The following FAM107B variants were observed in gnomAD, a reference collection of about 807,000 sequenced individuals.
The protein encoded by FAM107B is family with sequence similarity 107 member B, also known as protein FAM107B.
Under a neutral mutation model 31.5 loss-of-function variants are expected in FAM107B, and 21 were observed. The observed-to-expected ratio is 0.67, with a 90% CI of 0.47 to 0.96. FAM107B has a LOEUF of 0.96. FAM107B is among the 40% of genes least tolerant of loss of function. FAM107B has a pLI of 0.00. For synonymous variants in FAM107B, 157 were observed against 141.5 expected (o/e 1.11, Z -0.78); for missense variants, 452 against 377.1 (o/e 1.20, Z -1.64).
intron 2 of FAM107B, among the ~76,000 whole-genome samples, chr10:14,575,805 G>T (rs1037096128): frequency 6.6e-6 from 1 of 152,012 alleles, no homozygotes; most frequent in African/African-American, 2.4e-5. Context: ...TTTAAAATGC[G>T]GGCTGTGACC....
At chr10:14,760,273 C>T (rs1168103756) in intron 1 of FAM107B, among the ~76,000 whole-genome samples, 1 of 152,204 alleles carries the variant, frequency 6.6e-6, no homozygotes, top group Non-Finnish European at 1.5e-5. Context: ...TGGCCCCTCA[C>T]TGAAATTTCT....
chr10:14,682,106 C>T lies in FAM107B; in HGVS notation c.412-14415G>A, dbSNP rs113056964. On this transcript the variant is annotated intron_variant, in intron 1 of 4. Coordinates refer to ENST00000181796, the MANE Select transcript of FAM107B (RefSeq NM_031453.4). ...AGGATGTTGGAGTTATGCAAAGCCT[C>T]TTTCTGGAGCACTTGTTTTACTCAA... 1.6e-3 allele frequency among the ~76,000 whole-genome samples: 251 copies of T among 152,296 alleles called. 1 individual carries two copies. Among genetic ancestry groups the T allele is most frequent in the Non-Finnish European group, 2.8e-3 (188 of 68,014 alleles).
chr10:14,585,208 A>G (rs951678962), intron 2 of FAM107B, among the ~76,000 whole-genome samples: 8 of 152,058 alleles, frequency 5.3e-5, no homozygotes, highest in Non-Finnish European at 2.9e-5. Flanking sequence ...TTGTTGCTTC[A>G]TTCTTTCCTT....
chr10:14,526,396 A>G (rs936626633), intron 3 of FAM107B, among the ~76,000 whole-genome samples: 2 of 152,102 alleles, frequency 1.3e-5, no homozygotes, highest in Non-Finnish European at 2.9e-5. Context: ...GGCTGCTCTC[A>G]AACTCCTGAC....
intron 2 of FAM107B, among the ~76,000 whole-genome samples, chr10:14,559,114 A>C (rs1257624360): frequency 1.2e-4 from 8 of 69,014 alleles, no homozygotes; most frequent in East Asian, 3.9e-4. Context: ...AAAAAAAAAA[A>C]AAACAAAAAA....
chr10:14,656,546 G>T (rs1854060874), intron 2 of FAM107B, among the ~76,000 whole-genome samples: 1 of 152,176 alleles, frequency 6.6e-6, no homozygotes, highest in South Asian at 2.1e-4. Flanking sequence ...TGCAATACAA[G>T]TTCTTCTTTT....
At chr10:14,620,668 C>T (rs1045356558) in intron 2 of FAM107B, among the ~76,000 whole-genome samples, 1 of 152,140 alleles carries the variant, frequency 6.6e-6, no homozygotes. Context: ...TCTCCTAATG[C>T]TATCCCTCTC....
intron 2 of FAM107B, among the ~76,000 whole-genome samples, chr10:14,533,927 G>A (rs988021636): frequency 2.6e-5 from 4 of 152,004 alleles, no homozygotes; most frequent in Non-Finnish European, 4.4e-5. Flanking sequence ...AGCCGGTGCA[G>A]GAGGGGGGGG....
intron 3 of FAM107B, chr10:14,529,991 T>C (rs552988014): frequency 8.0e-4 from 155 of 193,374 alleles, no homozygotes; most frequent in African/African-American, 3.4e-3. Context: ...AATTCAGAGA[T>C]TTTAAATTTA....
At chr10:14,666,473 T>C (rs34879280) in intron 2 of FAM107B, among the ~76,000 whole-genome samples, 14,823 of 151,874 alleles carry the variant, frequency 0.098, 716 homozygotes, top group East Asian at 0.23. Context: ...TCCTACTGCG[T>C]CCCTCCCACA....
chr10:14,756,975 A>T (rs1470274113), intron 1 of FAM107B, among the ~76,000 whole-genome samples: 2 of 152,158 alleles, frequency 1.3e-5, no homozygotes, highest in African/African-American at 4.8e-5. Context: ...ACACATAGAC[A>T]CACAGAGGGG....
At chr10:14,571,232 T>C (rs1224763682) in intron 2 of FAM107B, among the ~76,000 whole-genome samples, 1 of 152,142 alleles carries the variant, frequency 6.6e-6, no homozygotes, top group African/African-American at 2.4e-5. Flanking sequence ...CCCCTCCTCC[T>C]AAAACCATAA....
At chr10:14,727,442 C>T (rs1856063262) in intron 1 of FAM107B, among the ~76,000 whole-genome samples, 1 of 152,230 alleles carries the variant, frequency 6.6e-6, no homozygotes, top group East Asian at 1.9e-4. Context: ...CTGTCAGCAG[C>T]TGCATGTCTG....
chr10:14,535,781 T>C (rs1028063979), intron 2 of FAM107B, among the ~76,000 whole-genome samples: 2 of 152,230 alleles, frequency 1.3e-5, no homozygotes, highest in Non-Finnish European at 2.9e-5. Context: ...ACAGACACAC[T>C]ATGCACTGAA....
intron 2 of FAM107B, among the ~76,000 whole-genome samples, chr10:14,659,774 G>A (rs1478664726): frequency 1.3e-5 from 2 of 152,194 alleles, no homozygotes; most frequent in Non-Finnish European, 2.9e-5. Context: ...CTCCTAAGAT[G>A]CCCAGCAAGG....
rs1207659707 is a variant in FAM107B, at chr10:14,521,156, G to C, written c.*34C>G. ...AGAAGGCACCCACAGACAGCTCTGT[G>C]GGGTGACACACGAGGTCTTGGTGCA... On this transcript the variant is annotated 3_prime_UTR_variant, in exon 5 of 5. Transcript: ENST00000181796. The C allele has an allele frequency of 6.5e-7, 1 of 1,537,702 alleles. No homozygotes were observed. The highest frequency in any genetic ancestry group is 2.3e-5 in the East Asian group (1 of 44,358).
At chr10:14,697,572 G>C (rs1489604367) in intron 1 of FAM107B, among the ~76,000 whole-genome samples, 2 of 152,188 alleles carry the variant, frequency 1.3e-5, no homozygotes, top group Non-Finnish European at 2.9e-5. Context: ...GAGAGAAATA[G>C]AAATAGACAT....
intron 2 of FAM107B, among the ~76,000 whole-genome samples, chr10:14,612,291 A>G (rs566340711): frequency 6.6e-6 from 1 of 152,374 alleles, no homozygotes; most frequent in Non-Finnish European, 1.5e-5. Context: ...CTAAAATCCT[A>G]ACTAATGTTA....
At chr10:14,597,339 A>T (rs1852220245) in intron 2 of FAM107B, among the ~76,000 whole-genome samples, 1 of 145,174 alleles carries the variant, frequency 6.9e-6, no homozygotes, top group Non-Finnish European at 1.5e-5. Context: ...TAAAACTTGG[A>T]TAAAGCGTGA....
Sources: allele counts gnomAD v4.1 joint callset (sites outside exome capture counted in the v4.1 genomes callset), GRCh38; gene constraint gnomAD v4.1.1; transcripts MANE v1.5; gene names NCBI Gene and HGNC (gene_info 2026-07-23, HGNC 2026-07-21).